Variants in RGS7 observed in about 807,000 individuals in gnomAD.
The protein encoded by RGS7 is regulator of G-protein signaling 7.
In RGS7, 27 loss-of-function variants were observed where a neutral mutation model predicts 81.1. The ratio of observed to expected loss-of-function variants is 0.33; its 90% CI spans 0.25 to 0.46. The LOEUF (loss-of-function observed/expected upper bound fraction) is 0.46. Ranked by LOEUF, RGS7 falls within the 20% of genes least tolerant of loss-of-function variation. The pLI is 1.00. For missense variants in RGS7, 396 were observed against 607.4 expected (o/e 0.65, Z 3.66); for synonymous variants, 208 against 207.7 (o/e 1.00, Z -0.01).
chr1:241,184,847 T>C, intron 2 of RGS7, among the ~76,000 whole-genome samples: 1 of 152,282 alleles, frequency 6.6e-6, no homozygotes, highest in East Asian at 1.9e-4. Context: ...AATTTCAGGT[T>C]CCATGACAGA....
Position 241,027,064 on chromosome 1 carries a change from G to A in RGS7, c.176-43935C>T, listed in dbSNP as rs79233096. ...AAAAAAAAAAAAAAATTAGCCAGGCGGGGTGGTACGTGCCTGTAGTTCCAG... is the reference window on the plus strand; with the variant it reads ...AAAAAAAAAAAAAAATTAGCCAGGCAGGGTGGTACGTGCCTGTAGTTCCAG... On this transcript the variant is annotated intron_variant, in intron 3 of 18. Coordinates refer to ENST00000440928, the MANE Select transcript of RGS7 (RefSeq NM_001364886.1). 2.5e-3 allele frequency among the ~76,000 whole-genome samples: 385 copies of A among 151,468 alleles called. 1 individual carries two copies. Among genetic ancestry groups the A allele is most frequent in the African/African-American group, 8.5e-3 (353 of 41,306 alleles).
chr1:241,067,711 C>T (rs986232612), intron 3 of RGS7, among the ~76,000 whole-genome samples: 1 of 151,910 alleles, frequency 6.6e-6, no homozygotes, highest in Non-Finnish European at 1.5e-5. Context: ...GATGGGGTTT[C>T]ACCATGTTGG....
At chr1:241,002,454 A>T (rs1388651509) in intron 3 of RGS7, among the ~76,000 whole-genome samples, 1 of 2,042 alleles carries the variant, frequency 4.9e-4, no homozygotes, top group Non-Finnish European at 1.4e-3. Flanking sequence ...ACTCTGTCTC[A>T]AAAAAAAAAA....
intron 2 of RGS7, among the ~76,000 whole-genome samples, chr1:241,230,733 G>A (rs2075610890): frequency 6.6e-6 from 1 of 152,178 alleles, no homozygotes; most frequent in South Asian, 2.1e-4. Context: ...CTTCACCCTA[G>A]TGTTCTGTCC....
intron 6 of RGS7, among the ~76,000 whole-genome samples, chr1:240,899,355 A>C (rs967271454): frequency 3.3e-5 from 5 of 152,174 alleles, no homozygotes; most frequent in Admixed American, 6.5e-5. Context: ...TTTGCTCATT[A>C]GTTGATGTGG....
At chr1:240,866,903 A>C (rs775028055) in intron 9 of RGS7, among the ~76,000 whole-genome samples, 8 of 152,178 alleles carry the variant, frequency 5.3e-5, no homozygotes, top group Non-Finnish European at 1.0e-4. Flanking sequence ...AGGAGGATCC[A>C]GGTCATGGAA....
chr1:241,300,226 C>A (rs1183767745), intron 2 of RGS7, among the ~76,000 whole-genome samples: 1 of 152,142 alleles, frequency 6.6e-6, no homozygotes, highest in African/African-American at 2.4e-5. Flanking sequence ...ACTATCAACA[C>A]CCTGCATCTA....
chr1:240,915,959 A>C (rs1308786763), intron 6 of RGS7, among the ~76,000 whole-genome samples: 1 of 152,030 alleles, frequency 6.6e-6, no homozygotes, highest in South Asian at 2.1e-4. Flanking sequence ...AAAGAGAAAA[A>C]AAAGTATAAA....
chr1:241,060,844 C>T (rs925794872), intron 3 of RGS7, among the ~76,000 whole-genome samples: 2 of 152,138 alleles, frequency 1.3e-5, no homozygotes, highest in Admixed American at 1.3e-4. Context: ...ACAAGAATAG[C>T]TTAAACTCCC....
chr1:241,016,190 C>T (rs1251696493), intron 3 of RGS7, among the ~76,000 whole-genome samples: 1 of 152,132 alleles, frequency 6.6e-6, no homozygotes, highest in Non-Finnish European at 1.5e-5. Context: ...CTGCCTCACA[C>T]CAAACCAGGT....
chr1:241,057,247 C>T (rs928354726), intron 3 of RGS7, among the ~76,000 whole-genome samples: 1 of 152,048 alleles, frequency 6.6e-6, no homozygotes, highest in African/African-American at 2.4e-5. Flanking sequence ...GACTAGAAGT[C>T]AGTTATTTAA....
chr1:241,013,881 C>T (rs2059096450), intron 3 of RGS7, among the ~76,000 whole-genome samples: 2 of 152,212 alleles, frequency 1.3e-5, no homozygotes, highest in Non-Finnish European at 2.9e-5. Context: ...GGGGACAGAG[C>T]AAGGTAATGT....
intron 4 of RGS7, among the ~76,000 whole-genome samples, chr1:240,944,282 G>GTGTGTGTATATATATA (rs1352421845): frequency 3.6e-5 from 2 of 55,816 alleles, no homozygotes; most frequent in African/African-American, 8.5e-5. Context: ...GTGTGTGTGT[G>GTGTGTGTATATATATA]TATATATATA....
chr1:241,352,070 G>C (rs1259492506), intron 2 of RGS7, among the ~76,000 whole-genome samples: 2 of 152,146 alleles, frequency 1.3e-5, no homozygotes, highest in Admixed American at 6.5e-5. Context: ...ACCAAATTTG[G>C]AGTGTCTCTC....
intron 6 of RGS7, among the ~76,000 whole-genome samples, chr1:240,891,811 CAT>C (rs1447141400): frequency 6.6e-6 from 1 of 152,180 alleles, no homozygotes; most frequent in African/African-American, 2.4e-5. Context: ...CAGACACTTC[CAT>C]ATATGTTATC....
At chr1:241,293,903 A>G (rs1018773487) in intron 2 of RGS7, among the ~76,000 whole-genome samples, 4 of 152,196 alleles carry the variant, frequency 2.6e-5, no homozygotes, top group Non-Finnish European at 5.9e-5. Flanking sequence ...AGGATCTAGA[A>G]CCAGAAATAC....
chr1:240,815,258 C>A (rs1037397429), intron 11 of RGS7, among the ~76,000 whole-genome samples: 5 of 152,054 alleles, frequency 3.3e-5, no homozygotes, highest in Admixed American at 6.5e-5. Flanking sequence ...AGGAGGATCA[C>A]CTGGGACTCT....
chr1:241,280,581 T>C (rs533838240), intron 2 of RGS7, among the ~76,000 whole-genome samples: 68 of 152,360 alleles, frequency 4.5e-4, no homozygotes, highest in Non-Finnish European at 8.2e-4. Context: ...CACTGCAGCC[T>C]GGACCTCCCA....
intron 6 of RGS7, among the ~76,000 whole-genome samples, chr1:240,930,268 C>T (rs1321207369): frequency 1.6e-5 from 2 of 121,804 alleles, no homozygotes; most frequent in African/African-American, 6.5e-5. Flanking sequence ...TCATGTTTAA[C>T]ACAACCCTCC....
Sources: gnomAD v4.1 joint callset for allele counts (sites outside exome capture counted in the v4.1 genomes callset) on GRCh38, gnomAD v4.1.1 for gene constraint, MANE v1.5 for transcripts, NCBI Gene and HGNC (gene_info 2026-07-23, HGNC 2026-07-21) for gene names.